The following DYNC2LI1 variants were observed in gnomAD, a reference collection of about 807,000 sequenced individuals.
The protein encoded by DYNC2LI1 is cytoplasmic dynein 2 light intermediate chain 1.
In DYNC2LI1, 45 loss-of-function variants were observed where a neutral mutation model predicts 51.9. The observed-to-expected ratio is 0.87, with a 90% CI of 0.68 to 1.11. DYNC2LI1 has a LOEUF of 1.11. Ranked by LOEUF, DYNC2LI1 falls within the 50% of genes most tolerant of loss-of-function variation. DYNC2LI1 has a pLI of 0.00. For synonymous variants in DYNC2LI1, 130 were observed against 137.8 expected, an observed-to-expected ratio of 0.94 and a Z score of 0.40; for missense variants, 490 against 417.4, an observed-to-expected ratio of 1.17 and a Z score of -1.51.
At chr2:43,813,333 G>A, downstream of DYNC2LI1, 1 of 1,525,212 alleles carries the variant, frequency 6.6e-7, no homozygotes, top group Non-Finnish European at 9.1e-7. Context: ...GATTGACAGT[G>A]TCAGGTGTGG....
intron 1 of DYNC2LI1, among the ~76,000 whole-genome samples, chr2:43,774,707 G>T (rs1257316132): frequency 3.3e-5 from 5 of 152,226 alleles, no homozygotes; most frequent in African/African-American, 1.2e-4. Context: ...GGGTCAGGGA[G>T]TGCATCACAG....
the DYNC2LI1 span, among the ~76,000 whole-genome samples, chr2:43,822,316 A>T: frequency 6.6e-6 from 1 of 151,826 alleles, no homozygotes; most frequent in African/African-American, 2.4e-5. Context: ...ACTTCCTTGA[A>T]ACTCTCTCCT....
At chr2:43,816,254 G>A in the DYNC2LI1 span, among the ~76,000 whole-genome samples, 16,973 of 152,242 alleles carry the variant, frequency 0.11, 1,167 homozygotes, top group Admixed American at 0.21. Flanking sequence ...GCTGCTGAGA[G>A]GGTCTAAAAT....
chr2:43,796,789 A>G lies in DYNC2LI1; in HGVS notation c.648A>G (p.Ser216=), dbSNP rs1341682536. 1.9e-6 allele frequency: 3 copies of G among 1,613,402 alleles called. No individual in the cohort carries two copies. The part of the protein sequence containing the change: ...LRFVAHYYGA[S]LMFTSKSEAL... ...TTGTTGCACATTATTATGGAGCATC[A>G]TTAATGGTTTGTACATTTCTTGTCC... Residue 216 remains serine, a synonymous_variant, in exon 8 of 13, where the codon TCA becomes TCG. Transcript: ENST00000260605.
chr2:43,821,596 C>T, the DYNC2LI1 span, among the ~76,000 whole-genome samples: 2 of 152,294 alleles, frequency 1.3e-5, no homozygotes, highest in Non-Finnish European at 2.9e-5. Context: ...GGACCCTATT[C>T]TCCCTTAAGC....
chr2:43,812,163 A>C (rs1296405845), downstream of DYNC2LI1, among the ~76,000 whole-genome samples: 1 of 151,986 alleles, frequency 6.6e-6, no homozygotes, highest in African/African-American at 2.4e-5. Context: ...CGATCCTTCC[A>C]CATCAGCCTC....
the DYNC2LI1 span, chr2:43,828,224 G>T: frequency 1.9e-4 from 279 of 1,507,162 alleles, no homozygotes; most frequent in African/African-American, 3.2e-3. Context: ...AGAATCCAAG[G>T]GCCACTTCCA....
At chr2:43,783,607 G>T in intron 3 of DYNC2LI1, 53 bp downstream of exon 3, 1 of 1,194,268 alleles carries the variant, frequency 8.4e-7, no homozygotes, top group Non-Finnish European at 1.2e-6. Flanking sequence ...TAGTTGTATA[G>T]GGCAAGTTAG....
At chr2:43,805,043 T>C (rs540583162) in intron 11 of DYNC2LI1, 111 bp from the exon 12 acceptor site, 2 of 689,048 alleles carry the variant, frequency 2.9e-6, no homozygotes, top group South Asian at 2.1e-5. Context: ...AGAAAGATCA[T>C]AGAGAGCCTT....
At chr2:43,810,072 A>T, downstream of DYNC2LI1, 1 of 634,948 alleles carries the variant, frequency 1.6e-6, no homozygotes, top group Non-Finnish European at 2.0e-6. Flanking sequence ...TGTTTTTAGG[A>T]ATATAAAAGT....
chr2:43,776,920 A>T lies in DYNC2LI1; in HGVS notation c.126+21A>T, dbSNP rs1175653227. 7 of 1,208,548 alleles carry T rather than the reference A, an allele frequency of 5.8e-6. No individual in the cohort carries two copies. In the African/African-American group the frequency reaches 9.2e-5, roughly 16 times the overall value. 74.9% of individuals were successfully genotyped at this position (1,208,548 alleles called of 1,614,324 possible). A position where few individuals can be genotyped will look rare whatever the true frequency, so the allele number is the denominator to read the frequency against. ...ATGGGGTAATGCTTTCTTTTTTTCA[A>T]TTATTGTGATGATTTAACAACCATT... On this transcript the variant is annotated intron_variant, in intron 2 of 12. Transcript: ENST00000260605.
intron 12 of DYNC2LI1, 131 bp from the exon 13 acceptor site, chr2:43,809,574 A>G: frequency 1.5e-6 from 1 of 685,324 alleles, no homozygotes; most frequent in Admixed American, 3.0e-5. Context: ...AATAATTGGC[A>G]AGAAATATTT....
chr2:43,801,462 G>A (rs1251416677), intron 9 of DYNC2LI1, 177 bp from the exon 10 acceptor site: 1 of 464,488 alleles, frequency 2.2e-6, no homozygotes, highest in African/African-American at 2.0e-5. Context: ...GTTTATTTAT[G>A]CTATATGTTA....
At chr2:43,825,074 G>A in the DYNC2LI1 span, 4 of 1,599,708 alleles carry the variant, frequency 2.5e-6, no homozygotes, top group Non-Finnish European at 3.4e-6. Context: ...GATGCACTTT[G>A]AATGTCTCTG....
the DYNC2LI1 span, among the ~76,000 whole-genome samples, chr2:43,823,684 A>C: frequency 1.3e-5 from 2 of 152,120 alleles, no homozygotes; most frequent in Non-Finnish European, 2.9e-5. Context: ...GTACATTGTC[A>C]CTTCATGTTT....
rs1285069618 is a variant in DYNC2LI1 at position 43,780,170 on chromosome 2, A to C, written c.126+3271A>C. 2.0e-5 allele frequency among the ~76,000 whole-genome samples: 3 copies of C among 152,172 alleles called. No individual in the cohort carries two copies. In the East Asian group the frequency reaches 5.8e-4, roughly 29 times the overall value. ...TTATTACTGTGGGGATGCCTGAAGA[A>C]GTGGTTAGAGAATGTGTTGTTTGTA... On this transcript the variant is annotated intron_variant, in intron 2 of 12. Coordinates refer to ENST00000260605, the MANE Select transcript of DYNC2LI1 (RefSeq NM_016008.4).
At chr2:43,809,562 A>G in intron 12 of DYNC2LI1, 143 bp from the exon 13 acceptor site, 1 of 672,648 alleles carries the variant, frequency 1.5e-6, no homozygotes, top group Non-Finnish European at 2.6e-6. Flanking sequence ...AATCATTTAC[A>G]AAATAATTGG....
At chr2:43,776,630 A>G (rs1258747336) in intron 1 of DYNC2LI1, 152 bp from the exon 2 acceptor site, 1 of 538,264 alleles carries the variant, frequency 1.9e-6, no homozygotes, top group East Asian at 3.2e-5. Flanking sequence ...TAGAATGACT[A>G]ATCCTCAGAT....
the DYNC2LI1 span, chr2:43,824,314 A>G: frequency 6.2e-7 from 1 of 1,614,198 alleles, no homozygotes; most frequent in Non-Finnish European, 8.5e-7. Context: ...TTCTTTCAAT[A>G]TTCTTCAAAG....
Sources: allele counts gnomAD v4.1 joint callset (sites outside exome capture counted in the v4.1 genomes callset), GRCh38; gene constraint gnomAD v4.1.1; transcripts MANE v1.5; gene names NCBI Gene and HGNC (gene_info 2026-07-23, HGNC 2026-07-21).